The following CDKAL1 variants were observed in gnomAD, a reference collection of about 807,000 sequenced individuals.
The protein encoded by CDKAL1 is threonylcarbamoyladenosine tRNA methylthiotransferase.
Under a neutral mutation model 68.2 loss-of-function variants are expected in CDKAL1, and 32 were observed. The observed-to-expected ratio is 0.47, with a 90% CI of 0.35 to 0.63. CDKAL1 has a LOEUF of 0.63. Among genes scored for constraint, CDKAL1 ranks in the 30% least tolerant of loss-of-function variants. The probability of loss-of-function intolerance (pLI) is 0.00; values close to 1 mark genes in which losing one functional copy is unlikely to be tolerated. For synonymous variants in CDKAL1, 234 were observed against 244.3 expected (o/e 0.96, Z 0.39); for missense variants, 606 against 696.7 (o/e 0.87, Z 1.47).
chr6:20,801,670 G>A (rs182523345), intron 8 of CDKAL1, among the ~76,000 whole-genome samples: 66 of 152,210 alleles, frequency 4.3e-4, no homozygotes, highest in Non-Finnish European at 9.0e-4. Flanking sequence ...CGACAAATGC[G>A]TATGCCTGTG....
rs189092699 is a variant in CDKAL1, at chr6:21,019,733, A to G, written c.1055+19361A>G. ...TAATTAATTGGATATATATATAGGAATCATCATACAGCAATAGACAAAATA... is the reference window on the plus strand; with the variant it reads ...TAATTAATTGGATATATATATAGGAGTCATCATACAGCAATAGACAAAATA... On this transcript the variant is annotated intron_variant, in intron 11 of 15. Coordinates refer to ENST00000274695, the MANE Select transcript of CDKAL1 (RefSeq NM_017774.3). Among the ~76,000 whole-genome samples the G allele has an allele frequency of 3.0e-3, 452 of 152,312 alleles. 3 individuals are homozygous for G. Among genetic ancestry groups the G allele is most frequent in the Admixed American group, 3.6e-3 (55 of 15,298 alleles).
chr6:21,056,237 A>G (rs1770827449), intron 11 of CDKAL1, among the ~76,000 whole-genome samples: 1 of 152,008 alleles, frequency 6.6e-6, no homozygotes, highest in African/African-American at 2.4e-5. Context: ...GAGGTCCTTC[A>G]CTTTCCTTGA....
At chr6:20,703,691 G>A (rs1771474630) in intron 5 of CDKAL1, among the ~76,000 whole-genome samples, 1 of 151,964 alleles carries the variant, frequency 6.6e-6, no homozygotes, top group Non-Finnish European at 1.5e-5. Flanking sequence ...ATAGTTAACA[G>A]GAAAATATGA....
At chr6:20,971,023 A>C (rs1286053846) in intron 10 of CDKAL1, among the ~76,000 whole-genome samples, 1 of 151,976 alleles carries the variant, frequency 6.6e-6, no homozygotes, top group Non-Finnish European at 1.5e-5. Flanking sequence ...TAATTTTTGC[A>C]TTTTTAGTAG....
intron 4 of CDKAL1, among the ~76,000 whole-genome samples, chr6:20,619,591 G>A (rs566794143): frequency 6.6e-6 from 1 of 152,252 alleles, no homozygotes; most frequent in East Asian, 1.9e-4. Context: ...TAAAATAAAT[G>A]CAGATTTTGG....
At chr6:21,054,163 G>GT (rs1166164296) in intron 11 of CDKAL1, among the ~76,000 whole-genome samples, 1 of 152,118 alleles carries the variant, frequency 6.6e-6, no homozygotes, top group Non-Finnish European at 1.5e-5. Flanking sequence ...AATGTGTGGG[G>GT]TTTTTTGCAT....
At chr6:20,682,318 C>A (rs1406174164) in intron 5 of CDKAL1, among the ~76,000 whole-genome samples, 1 of 152,146 alleles carries the variant, frequency 6.6e-6, no homozygotes, top group Non-Finnish European at 1.5e-5. Context: ...TTGCAGTCTT[C>A]CTTAAACATC....
intron 8 of CDKAL1, among the ~76,000 whole-genome samples, chr6:20,821,354 C>A (rs1777272518): frequency 6.6e-6 from 1 of 152,016 alleles, no homozygotes; most frequent in African/African-American, 2.4e-5. Flanking sequence ...CTAGGGTAAG[C>A]CCCTCCTCTG....
At chr6:21,141,259 G>T (rs1775894193) in intron 13 of CDKAL1, among the ~76,000 whole-genome samples, 1 of 152,158 alleles carries the variant, frequency 6.6e-6, no homozygotes, top group South Asian at 2.1e-4. Flanking sequence ...TTAGGCTCCT[G>T]ACCTACTTTC....
chr6:20,863,247 G>A (rs1312165348), intron 9 of CDKAL1, among the ~76,000 whole-genome samples: 1 of 152,014 alleles, frequency 6.6e-6, no homozygotes, highest in Non-Finnish European at 1.5e-5. Context: ...GTGGCCCTTT[G>A]TATTTTGGTC....
At chr6:20,749,127 T>C (rs1034981245) in intron 6 of CDKAL1, among the ~76,000 whole-genome samples, 1 of 152,154 alleles carries the variant, frequency 6.6e-6, no homozygotes, top group Non-Finnish European at 1.5e-5. Context: ...TACCAACTAA[T>C]AGAGAAATAT....
At chr6:20,678,223 T>C (rs1770211126) in intron 5 of CDKAL1, among the ~76,000 whole-genome samples, 1 of 152,154 alleles carries the variant, frequency 6.6e-6, no homozygotes, top group East Asian at 1.9e-4. Context: ...ATTTGGTGCA[T>C]AGGTATCTAT....
rs76503113 is a variant in CDKAL1, at chr6:20,915,673, G to A, written c.743-39746G>A. 3.7e-3 allele frequency among the ~76,000 whole-genome samples: 561 copies of A among 152,248 alleles called. 4 individuals carry two copies. Among genetic ancestry groups the A allele is most frequent in the East Asian group, 0.029 (148 of 5,184 alleles). On this transcript the variant is annotated intron_variant, in intron 9 of 15. Transcript: ENST00000274695. ...TTAAAAATTAATTATCCCAGGTACC[G>A]TGTGACCCAGCAGTCTTACTCCTGG... is the stretch of plus-strand genomic sequence containing the variant.
At chr6:20,729,264 C>T (rs1772795252) in intron 5 of CDKAL1, among the ~76,000 whole-genome samples, 2 of 152,164 alleles carry the variant, frequency 1.3e-5, no homozygotes, top group Non-Finnish European at 2.9e-5. Context: ...TGGGATGATG[C>T]CTTCTAAGGA....
chr6:20,611,720 A>G (rs1354862483), intron 4 of CDKAL1, among the ~76,000 whole-genome samples: 2 of 152,150 alleles, frequency 1.3e-5, no homozygotes, highest in Non-Finnish European at 2.9e-5. Flanking sequence ...ATTGCCATGA[A>G]TATTTATCAT....
At chr6:21,079,519 A>T (rs1772262775) in intron 12 of CDKAL1, among the ~76,000 whole-genome samples, 1 of 152,234 alleles carries the variant, frequency 6.6e-6, no homozygotes, top group Non-Finnish European at 1.5e-5. Flanking sequence ...TCCCAGACTT[A>T]GTTGCATGTC....
At chr6:21,142,473 A>G (rs1027629815) in intron 13 of CDKAL1, among the ~76,000 whole-genome samples, 13 of 152,194 alleles carry the variant, frequency 8.5e-5, no homozygotes, top group African/African-American at 2.2e-4. Context: ...GTGGCCACCA[A>G]TGTACCCTCC....
intron 8 of CDKAL1, among the ~76,000 whole-genome samples, chr6:20,809,285 C>T (rs1024782559): frequency 6.6e-6 from 1 of 152,162 alleles, no homozygotes; most frequent in Non-Finnish European, 1.5e-5. Context: ...GTTATTAGCA[C>T]CCAGGGGCCA....
chr6:20,723,861 TA>T (rs1397878653), intron 5 of CDKAL1, among the ~76,000 whole-genome samples: 1 of 152,162 alleles, frequency 6.6e-6, no homozygotes, highest in African/African-American at 2.4e-5. Flanking sequence ...TGTGACTATG[TA>T]AATTTGCTAA....
Sources: allele counts gnomAD v4.1 joint callset (sites outside exome capture counted in the v4.1 genomes callset), GRCh38; gene constraint gnomAD v4.1.1; transcripts MANE v1.5; gene names NCBI Gene and HGNC (gene_info 2026-07-23, HGNC 2026-07-21).